Variants in SCGB2A1 observed in about 807,000 individuals in gnomAD.
SCGB2A1 encodes mammaglobin-B.
Under a neutral mutation model 9.2 loss-of-function variants are expected in SCGB2A1, and 6 were observed. That is an observed-to-expected ratio of 0.66 (90% CI 0.36 to 1.29). SCGB2A1 has a LOEUF of 1.29. Ranked by LOEUF, SCGB2A1 falls within the 50% of genes most tolerant of loss-of-function variation. The pLI is 0.03. For synonymous variants in SCGB2A1, 37 were observed against 41.0 expected (o/e 0.90, Z 0.37); for missense variants, 138 against 116.9 (o/e 1.18, Z -0.83).
Position 62,208,735 on chromosome 11 carries a change from A to T in SCGB2A1, c.4A>T (p.Lys2Ter). The T allele has an allele frequency of 1.2e-6, 2 of 1,613,642 alleles. No individual in the cohort carries two copies. The highest frequency in any genetic ancestry group is 1.7e-6 in the Non-Finnish European group (2 of 1,179,886). ...CACAGACAGCAGCCGCCTCGCCATG[A>T]AGCTGCTGATGGTCCTCATGCTGGC... M[K>*]LLMVLMLAAL... Residue 2 changes from lysine to a stop codon, truncating the protein, a stop_gained, in exon 1 of 3, where the codon AAG (lysine) becomes TAG (stop). Transcript: ENST00000244930. LOFTEE classifies it high-confidence loss of function.
chr11:62,212,024 G>A (rs1371434978), intron 2 of SCGB2A1, among the ~76,000 whole-genome samples: 1 of 152,012 alleles, frequency 6.6e-6, no homozygotes, highest in African/African-American at 2.4e-5. Flanking sequence ...CTGAGTTCAA[G>A]TGATTCTCCT....
At chr11:62,212,796 T>G (rs1033919533) in intron 2 of SCGB2A1, among the ~76,000 whole-genome samples, 1 of 151,964 alleles carries the variant, frequency 6.6e-6, no homozygotes, top group East Asian at 1.9e-4. Flanking sequence ...AATGCAGTGG[T>G]ACAATCACAG....
At position 62,213,106 on chromosome 11, in the gene SCGB2A1, A is replaced by ATATATTTTTTTT. The variant is rs67975205; in HGVS notation, c.244-619_244-618insATATTTTTTTTT. Among the ~76,000 whole-genome samples the ATATATTTTTTTT allele has an allele frequency of 1.4e-3, 160 of 116,226 alleles. 5 individuals are homozygous for ATATATTTTTTTT. Among genetic ancestry groups the ATATATTTTTTTT allele is most frequent in the Admixed American group, 2.5e-3 (26 of 10,438 alleles). The allele number at this position is 116,226 out of a possible 152,430, so 76.2% of individuals were successfully genotyped here. On this transcript the variant is annotated intron_variant, in intron 2 of 2. Coordinates refer to ENST00000244930, the MANE Select transcript of SCGB2A1 (RefSeq NM_002407.3). ...CATATATACACATATATATATATATATTTTTTTTTTTGTAGAGATGGCATT... is the reference window on the plus strand; with the variant it reads ...CATATATACACATATATATATATATATATATTTTTTTTTTTTTTTTTTTGTAGAGATGGCATT...
chr11:62,211,754 T>C (rs531156643), intron 2 of SCGB2A1, among the ~76,000 whole-genome samples: 1 of 152,298 alleles, frequency 6.6e-6, no homozygotes, highest in Non-Finnish European at 1.5e-5. Flanking sequence ...TTAGCATACA[T>C]GACTGGAAGT....
Position 62,213,738 on chromosome 11 carries a change from G to A in SCGB2A1, c.256G>A (p.Asp86Asn), listed in dbSNP as rs750764547. The A allele has an allele frequency of 4.8e-5, 77 of 1,613,756 alleles. No homozygotes were observed. Among genetic ancestry groups the A allele is most frequent in the Non-Finnish European group, 5.8e-5 (68 of 1,179,948 alleles). Residue 86 changes from aspartate to asparagine, a missense_variant, in exon 3 of 3, where the codon GAC becomes AAC. By Grantham distance (23) the Asp-to-Asn change is conservative (BLOSUM62 1). Coordinates refer to ENST00000244930, the MANE Select transcript of SCGB2A1 (RefSeq NM_002407.3). The part of the protein sequence containing the change: ...NFGLMMHTVY[D>N]SIWCNMKSN ...TTTTGTTTTCCAGCATACAGTGTAC[G>A]ACAGCATTTGGTGTAATATGAAGAG...
intron 2 of SCGB2A1, among the ~76,000 whole-genome samples, chr11:62,213,091 C>CACACATAT (rs57411910): frequency 2.2e-4 from 3 of 13,856 alleles, no homozygotes; most frequent in African/African-American, 2.9e-4. Flanking sequence ...CATATATACA[C>CACACATAT]ATATATATAT....
rs766727438 is a variant in SCGB2A1, at chr11:62,213,770, AC to A, written c.*1del. 2 of 1,613,808 alleles carry A rather than the reference AC, an allele frequency of 1.2e-6. No individual in the cohort carries two copies. The highest frequency in any genetic ancestry group is 1.1e-5 in the South Asian group (1 of 91,014). On this transcript the variant is annotated 3_prime_UTR_variant, in exon 3 of 3. Transcript: ENST00000244930. Reference sequence around the variant, plus strand: ...TTTGGTGTAATATGAAGAGTAATTAACTTTACCCAAGGCGTTTGGCTCAGAG... The same window carrying A: ...TTTGGTGTAATATGAAGAGTAATTAATTTACCCAAGGCGTTTGGCTCAGAG...
chr11:62,210,954 G>T (rs1197457014), intron 2 of SCGB2A1, among the ~76,000 whole-genome samples: 1 of 144,380 alleles, frequency 6.9e-6, no homozygotes, highest in Non-Finnish European at 1.5e-5. Flanking sequence ...ACGGAGTTTC[G>T]CTCTGTCACT....
chr11:62,213,025 T>TATGTACAC (rs1565121447), intron 2 of SCGB2A1, among the ~76,000 whole-genome samples: 1 of 36,950 alleles, frequency 2.7e-5, no homozygotes, highest in African/African-American at 6.9e-5. Context: ...CATATATACA[T>TATGTACAC]ATATACACAC....
intron 2 of SCGB2A1, among the ~76,000 whole-genome samples, chr11:62,212,489 G>T (rs1590655355): frequency 6.6e-6 from 1 of 151,728 alleles, no homozygotes; most frequent in African/African-American, 2.4e-5. Flanking sequence ...ACAAAAATTA[G>T]CTAGGCGTGG....
chr11:62,212,178 C>T (rs1442817736), intron 2 of SCGB2A1, among the ~76,000 whole-genome samples: 2 of 151,884 alleles, frequency 1.3e-5, no homozygotes, highest in African/African-American at 4.8e-5. Context: ...CCGCTTCAGC[C>T]TCCCAAAGTG....
chr11:62,212,479 A>G (rs1393391771), intron 2 of SCGB2A1, among the ~76,000 whole-genome samples: 1 of 151,670 alleles, frequency 6.6e-6, no homozygotes, highest in African/African-American at 2.4e-5. Context: ...TACTAAAAAT[A>G]CAAAAATTAG....
intron 2 of SCGB2A1, among the ~76,000 whole-genome samples, chr11:62,212,089 A>C (rs1944835641): frequency 6.6e-6 from 1 of 150,962 alleles, no homozygotes; most frequent in Non-Finnish European, 1.5e-5. Context: ...CAGCCTGCTA[A>C]TTTTTGTATT....
chr11:62,210,369 G>A (rs1427690549), intron 1 of SCGB2A1, 44 bp from the exon 2 acceptor site: 1 of 1,533,182 alleles, frequency 6.5e-7, no homozygotes, highest in African/African-American at 1.4e-5. Flanking sequence ...CTCTAGTAAT[G>A]GCCCATGTTC....
At chr11:62,213,082 A>ATT (rs1411340293) in intron 2 of SCGB2A1, among the ~76,000 whole-genome samples, 1 of 18,860 alleles carries the variant, frequency 5.3e-5, no homozygotes, top group African/African-American at 6.1e-5. Flanking sequence ...ATATATACAC[A>ATT]TATATACACA....
chr11:62,209,688 G>C (rs1022879463), intron 1 of SCGB2A1, among the ~76,000 whole-genome samples: 2 of 127,846 alleles, frequency 1.6e-5, no homozygotes, highest in African/African-American at 5.7e-5. Flanking sequence ...TTTGAGACAG[G>C]GTCTTGCTCT....
intron 2 of SCGB2A1, among the ~76,000 whole-genome samples, chr11:62,211,480 A>G (rs372724652): frequency 6.6e-6 from 1 of 152,054 alleles, no homozygotes; most frequent in Non-Finnish European, 1.5e-5. Flanking sequence ...GTTCACTGCA[A>G]CCTCTGCCTC....
chr11:62,211,136 C>T (rs545472934), intron 2 of SCGB2A1, among the ~76,000 whole-genome samples: 1 of 152,140 alleles, frequency 6.6e-6, no homozygotes, highest in Admixed American at 6.5e-5. Flanking sequence ...GTTGGCCAGG[C>T]TGGTCTCAAA....
intron 2 of SCGB2A1, among the ~76,000 whole-genome samples, chr11:62,210,878 C>G (rs975537416): frequency 6.6e-6 from 1 of 151,560 alleles, no homozygotes; most frequent in Non-Finnish European, 1.5e-5. Context: ...CACACATAAG[C>G]ACACAAGTAT....
Sources: allele counts gnomAD v4.1 joint callset (sites outside exome capture counted in the v4.1 genomes callset), GRCh38; gene constraint gnomAD v4.1.1; transcripts MANE v1.5; gene names NCBI Gene and HGNC (gene_info 2026-07-23, HGNC 2026-07-21).